The following KAT6A variants were observed in gnomAD, a reference collection of about 807,000 sequenced individuals.
KAT6A encodes histone acetyltransferase KAT6A.
A neutral mutation model predicts 198.4 loss-of-function variants in KAT6A; 9 were observed. That is an observed-to-expected ratio of 0.05 (90% CI 0.03 to 0.08). The LOEUF (loss-of-function observed/expected upper bound fraction) is 0.08, where lower values mean the gene tolerates loss of function less well. Ranked by LOEUF, KAT6A falls within the 10% of genes least tolerant of loss-of-function variation. The probability of loss-of-function intolerance (pLI) is 1.00; values close to 1 mark genes in which losing one functional copy is unlikely to be tolerated. For missense variants in KAT6A, 2,077 were observed against 2,509.9 expected, an observed-to-expected ratio of 0.83 and a Z score of 3.69; for synonymous variants, 890 against 883.0, an observed-to-expected ratio of 1.01 and a Z score of -0.14.
intron 8 of KAT6A, among the ~76,000 whole-genome samples, chr8:41,959,051 A>T (rs1823061196): frequency 6.6e-6 from 1 of 151,342 alleles, no homozygotes; most frequent in Non-Finnish European, 1.5e-5. Context: ...AGTCCCAGCT[A>T]CTCAGAGGCT....
At chr8:42,030,875 G>A (rs115144423) in intron 2 of KAT6A, among the ~76,000 whole-genome samples, 1,794 of 152,002 alleles carry the variant, frequency 0.012, 33 homozygotes, top group African/African-American at 0.042. Flanking sequence ...ACTGTGCTCC[G>A]CCTCTCCGTT....
At chr8:42,042,735 T>C (rs1019107225) in intron 2 of KAT6A, among the ~76,000 whole-genome samples, 2 of 152,180 alleles carry the variant, frequency 1.3e-5, no homozygotes, top group African/African-American at 4.8e-5. Context: ...TTTAGCAAAT[T>C]ATAATTCTGT....
intron 2 of KAT6A, among the ~76,000 whole-genome samples, chr8:42,006,117 C>A (rs1360931180): frequency 6.6e-6 from 1 of 152,186 alleles, no homozygotes; most frequent in Non-Finnish European, 1.5e-5. Flanking sequence ...TATACACCCA[C>A]CACTTTGCCA....
At chr8:42,050,291 T>C (rs1802540563) in intron 1 of KAT6A, among the ~76,000 whole-genome samples, 1 of 152,234 alleles carries the variant, frequency 6.6e-6, no homozygotes. Flanking sequence ...AGTATCCCTA[T>C]AAAAGAATCT....
At chr8:42,044,349 C>A (rs12543005) in intron 2 of KAT6A, among the ~76,000 whole-genome samples, 17,404 of 151,960 alleles carry the variant, frequency 0.11, 1,244 homozygotes, top group East Asian at 0.26. Flanking sequence ...TCCACCCCCC[C>A]CTCGGCATCC....
Position 42,000,995 on chromosome 8 carries a change from C to A in KAT6A, c.601-13432G>T, listed in dbSNP as rs78399047. ...TCAAGTGAACAATCTATAGATAAAA[C>A]GTGAGGGAGGGAGAGGAAGGAGGGA... On this transcript the variant is annotated intron_variant, in intron 2 of 16. Transcript: ENST00000265713. 9.0e-3 allele frequency among the ~76,000 whole-genome samples: 1,369 copies of A among 151,782 alleles called. 16 individuals carry two copies. Among genetic ancestry groups the A allele is most frequent in the Middle Eastern group, 0.014 (4 of 294 alleles).
intron 10 of KAT6A, among the ~76,000 whole-genome samples, chr8:41,948,324 C>G (rs1257887095): frequency 6.6e-6 from 1 of 152,190 alleles, no homozygotes; most frequent in Non-Finnish European, 1.5e-5. Flanking sequence ...ACTATGTAGT[C>G]TAATCTATGC....
At chr8:42,043,608 G>T (rs1827768822) in intron 2 of KAT6A, 1 of 152,080 alleles carries the variant, frequency 6.6e-6, no homozygotes, top group South Asian at 2.1e-4. Flanking sequence ...TGCAAAAAAA[G>T]AAAAATGGAC....
intron 9 of KAT6A, among the ~76,000 whole-genome samples, chr8:41,952,794 T>G (rs531524850): frequency 6.6e-6 from 1 of 152,282 alleles, no homozygotes. Flanking sequence ...TTTAGTCACC[T>G]CAAGTTTCAA....
intron 2 of KAT6A, among the ~76,000 whole-genome samples, chr8:41,991,580 ATCTGTGCATTT>A (rs1824948414): frequency 6.6e-6 from 1 of 152,182 alleles, no homozygotes; most frequent in Admixed American, 6.5e-5. Context: ...TACACTTATA[ATCTGTGCATTT>A]TCTGTATGTA....
intron 2 of KAT6A, among the ~76,000 whole-genome samples, chr8:42,007,532 T>C (rs914347777): frequency 6.6e-6 from 1 of 152,132 alleles, no homozygotes; most frequent in African/African-American, 2.4e-5. Flanking sequence ...ACTTAAGAAA[T>C]GTGTGGACTG....
intron 8 of KAT6A, among the ~76,000 whole-genome samples, chr8:41,967,274 A>AATTAATTTATTT (rs1823550045): frequency 4.2e-5 from 6 of 142,798 alleles, no homozygotes; most frequent in African/African-American, 5.2e-5. Context: ...TAAAAAAAAA[A>AATTAATTTATTT]ATTTATTTAT....
Position 41,934,861 on chromosome 8 carries a change from G to A in KAT6A, c.3359C>T (p.Pro1120Leu). The stretch of plus-strand genomic sequence containing the variant: ...CAAAAGAGATACTGGCTTTAAGATA[G>A]GAGTGTCTATACAGGAAGGAAAAAA... ...DEESDDADDTPILKPVSLLRK... is the reference protein window; with the variant it reads ...DEESDDADDTLILKPVSLLRK... Residue 1120 changes from proline to leucine, a missense_variant, in exon 17 of 17, where the codon CCT (proline) becomes CTT (leucine). Physicochemically the swap from Pro to Leu is moderately conservative, Grantham distance 98 (BLOSUM62 -3). Coordinates refer to ENST00000265713, the MANE Select transcript of KAT6A (RefSeq NM_006766.5). 1 of 1,606,084 alleles carries A rather than the reference G, an allele frequency of 6.2e-7. No homozygotes were observed. Among genetic ancestry groups the A allele is most frequent in the Non-Finnish European group, 8.5e-7 (1 of 1,177,096 alleles).
In KAT6A at chr8:42,048,667, T is replaced by C; in HGVS notation, c.311A>G (p.Lys104Arg). ...KQNVDWNKLIKRAVEGLAESG... is the reference protein window; with the variant it reads ...KQNVDWNKLIRRAVEGLAESG... ...CTCTGCCAAGCCCTCAACTGCCCGCTTTATCAGTTTATTCCAATCCACATT... is the reference window on the plus strand; with the variant it reads ...CTCTGCCAAGCCCTCAACTGCCCGCCTTATCAGTTTATTCCAATCCACATT... Residue 104 changes from lysine to arginine, a missense_variant, in exon 2 of 17, where the codon AAG (lysine) becomes AGG (arginine). By Grantham distance (26) the Lys-to-Arg change is conservative (BLOSUM62 2). Coordinates refer to ENST00000265713, the MANE Select transcript of KAT6A (RefSeq NM_006766.5). 1 of 1,614,206 alleles carries C rather than the reference T, an allele frequency of 6.2e-7. No homozygotes were observed. Among genetic ancestry groups the C allele is most frequent in the Non-Finnish European group, 8.5e-7 (1 of 1,180,036 alleles).
At chr8:41,957,680 G>C (rs1424379094) in intron 8 of KAT6A, 1 of 173,558 alleles carries the variant, frequency 5.8e-6, no homozygotes, top group Non-Finnish European at 1.2e-5. Flanking sequence ...TAACTAACAG[G>C]GGGTAGCAAG....
Position 41,981,874 on chromosome 8 carries a change from T to C in KAT6A, c.790A>G (p.Thr264Ala), listed in dbSNP as rs1824372321. ...CCTTGATCTCGACAGGAGCTGCATGTTTTACACTCGATGCACTGCCACCGT... is the reference window on the plus strand; with the variant it reads ...CCTTGATCTCGACAGGAGCTGCATGCTTTACACTCGATGCACTGCCACCGT... ...ALRWQCIECK[T>A]CSSCRDQGKN... Residue 264 changes from threonine (T) to alanine (A), a missense_variant, in exon 4 of 17, where the codon ACA (threonine) becomes GCA (alanine). By Grantham distance (58) the Thr-to-Ala change is moderately conservative. Around this residue, in one of 13 missense-constraint regions of KAT6A, gnomAD observed 89 missense variants for 154.4 expected, o/e 0.58. Coordinates refer to ENST00000265713, the MANE Select transcript of KAT6A (RefSeq NM_006766.5). The C allele has an allele frequency of 1.2e-6, 2 of 1,613,902 alleles. No homozygotes were observed. The highest frequency in any genetic ancestry group is 1.7e-6 in the Non-Finnish European group (2 of 1,179,834).
At chr8:41,936,647 G>C (rs958215829) in intron 16 of KAT6A, among the ~76,000 whole-genome samples, 1 of 152,164 alleles carries the variant, frequency 6.6e-6, no homozygotes, top group South Asian at 2.1e-4. Flanking sequence ...TAAATAGTTG[G>C]ATTTGTATCT....
rs1821624830 is a variant in KAT6A, at chr8:41,932,823, G to C, written c.5397C>G (p.Pro1799=). 3 of 1,614,168 alleles carry C rather than the reference G, an allele frequency of 1.9e-6. No homozygotes were observed. Among genetic ancestry groups the C allele is most frequent in the Non-Finnish European group, 2.5e-6 (3 of 1,179,996 alleles). The change falls in exon 17 of 17, where the codon CCC becomes CCG. Residue 1799 remains proline (P), a synonymous_variant. Coordinates refer to ENST00000265713, the MANE Select transcript of KAT6A (RefSeq NM_006766.5). ...CTTGTGCTTGAGGAGTCCCAGCTAAGGGATGAGATGGAGCCAGCTGAGCCA... is the reference window on the plus strand; with the variant it reads ...CTTGTGCTTGAGGAGTCCCAGCTAACGGATGAGATGGAGCCAGCTGAGCCA... The part of the protein sequence containing the change: ...TGLAQLAPSH[P]LAGTPQAQAT...
chr8:42,015,658 G>A (rs181956722), intron 2 of KAT6A, among the ~76,000 whole-genome samples: 83 of 152,300 alleles, frequency 5.4e-4, no homozygotes, highest in Non-Finnish European at 5.7e-4. Context: ...GTAATAAAGG[G>A]TGAGCTAAAT....
Sources: gnomAD v4.1 joint callset for allele counts (sites outside exome capture counted in the v4.1 genomes callset) on GRCh38, gnomAD v4.1.1 for gene constraint, gnomAD v4.1.1 regional missense constraint, MANE v1.5 for transcripts, NCBI Gene and HGNC (gene_info 2026-07-23, HGNC 2026-07-21) for gene names.